PLPP3: variants seen among roughly 807,000 people sequenced by gnomAD.
PLPP3 encodes the protein PAP2 beta.
A neutral mutation model predicts 29.6 loss-of-function variants in PLPP3; 6 were observed. That is an observed-to-expected ratio of 0.20 (90% CI 0.11 to 0.40). The LOEUF (loss-of-function observed/expected upper bound fraction) is 0.40, where lower values mean the gene tolerates loss of function less well. Ranked by LOEUF, PLPP3 falls within the 10% of genes least tolerant of loss-of-function variation. The pLI, the probability that PLPP3 is intolerant of heterozygous loss-of-function variation, is 1.00. For synonymous variants in PLPP3, 152 were observed against 159.7 expected (o/e 0.95, Z 0.36); for missense variants, 308 against 407.7 (o/e 0.76, Z 2.11).
Position 56,524,773 on chromosome 1 carries a change from T to C in PLPP3, c.298-219A>G, listed in dbSNP as rs1645842298. On this transcript the variant is annotated intron_variant, in intron 2 of 5. Coordinates refer to ENST00000371250, the MANE Select transcript of PLPP3 (RefSeq NM_003713.5). This position sits in a 1 kb window ranked among gnomAD's most constrained non-coding sequence, Gnocchi z 4.3. Reference sequence around the variant, plus strand: ...AAGCCCCTTTGTAACAACAAAAATATACAACCAAATATATTTATATGTATA... The same window carrying C: ...AAGCCCCTTTGTAACAACAAAAATACACAACCAAATATATTTATATGTATA... Among the ~76,000 whole-genome samples the C allele has an allele frequency of 6.6e-6, 1 of 151,706 alleles. No homozygotes were observed. The highest frequency in any genetic ancestry group is 2.4e-5 in the African/African-American group (1 of 41,212).
chr1:56,573,535 G>C (rs1281454596), intron 1 of PLPP3, among the ~76,000 whole-genome samples: 1 of 152,160 alleles, frequency 6.6e-6, no homozygotes, highest in Non-Finnish European at 1.5e-5. Context: ...GGCCTGATAA[G>C]AATCACCGGC....
intron 1 of PLPP3, among the ~76,000 whole-genome samples, chr1:56,578,530 G>C (rs1294142210): frequency 1.3e-4 from 20 of 152,226 alleles, no homozygotes; most frequent in Admixed American, 1.3e-3. Context: ...TGGCTCTAGA[G>C]CGCGGCTCAA....
intron 1 of PLPP3, among the ~76,000 whole-genome samples, chr1:56,566,917 C>G (rs958168363): frequency 3.3e-5 from 5 of 152,192 alleles, no homozygotes; most frequent in African/African-American, 9.7e-5. Flanking sequence ...TACACATACA[C>G]AGCCATATAT....
rs997838858 is a variant in PLPP3 at position 56,508,339 on chromosome 1, C to T, written c.810+3637G>A. Reference sequence around the variant, plus strand: ...GTGTCAGGCTGTCTGGGGTCAACTCCAGCTTTGCTACCTTCTCTCTGAGTG... The same window carrying T: ...GTGTCAGGCTGTCTGGGGTCAACTCTAGCTTTGCTACCTTCTCTCTGAGTG... On this transcript the variant is annotated intron_variant, in intron 5 of 5. Transcript: ENST00000371250. Among the ~76,000 whole-genome samples, 7 of 152,308 alleles carry T rather than the reference C, an allele frequency of 4.6e-5. No homozygotes were observed. In the East Asian group the frequency reaches 1.4e-3, roughly 29 times the overall value.
At chr1:56,506,653 C>A (rs1414499110) in intron 5 of PLPP3, among the ~76,000 whole-genome samples, 1 of 152,194 alleles carries the variant, frequency 6.6e-6, no homozygotes, top group Non-Finnish European at 1.5e-5. Flanking sequence ...ACCAGATATG[C>A]AAGTTGTCAC....
intron 4 of PLPP3, chr1:56,517,089 G>C (rs189712076): frequency 1.3e-5 from 2 of 152,196 alleles, no homozygotes; most frequent in Admixed American, 1.3e-4. Flanking sequence ...TTGCATACTG[G>C]TGGAACAGGT....
At chr1:56,566,576 C>T (rs753997869) in intron 1 of PLPP3, among the ~76,000 whole-genome samples, 1 of 152,108 alleles carries the variant, frequency 6.6e-6, no homozygotes, top group Non-Finnish European at 1.5e-5. Context: ...ATTCCAGCCC[C>T]GATACATATC....
chr1:56,568,744 C>T (rs938743012), intron 1 of PLPP3, among the ~76,000 whole-genome samples: 4 of 152,152 alleles, frequency 2.6e-5, no homozygotes, highest in Non-Finnish European at 5.9e-5. Context: ...TCTGCCTCAG[C>T]CTCCCGAGTG....
intron 5 of PLPP3, among the ~76,000 whole-genome samples, chr1:56,502,396 G>A (rs1291661522): frequency 2.0e-5 from 3 of 152,208 alleles, no homozygotes; most frequent in African/African-American, 7.2e-5. Context: ...ATTTCTTAAA[G>A]TGTTGTCCTC....
chr1:56,519,037 G>A (rs1645801281), intron 4 of PLPP3, among the ~76,000 whole-genome samples: 1 of 151,516 alleles, frequency 6.6e-6, no homozygotes, highest in Non-Finnish European at 1.5e-5. Context: ...ATTTCGGGGT[G>A]GGGTGCGGGG....
intron 4 of PLPP3, among the ~76,000 whole-genome samples, chr1:56,520,187 C>T (rs1041255785): frequency 6.6e-6 from 1 of 152,194 alleles, no homozygotes; most frequent in Admixed American, 6.5e-5. Context: ...GCAAAATAGA[C>T]ATGATCACTT....
chr1:56,513,604 C>T (rs2100234981), intron 4 of PLPP3: 2 of 152,234 alleles, frequency 1.3e-5, no homozygotes, highest in South Asian at 4.1e-4. Context: ...GTGTCTAGGA[C>T]TGAATCCTCA....
intron 1 of PLPP3, among the ~76,000 whole-genome samples, chr1:56,577,307 C>T (rs1241189235): frequency 2.6e-5 from 4 of 152,088 alleles, no homozygotes; most frequent in African/African-American, 9.7e-5. Context: ...GGAAGGTAGG[C>T]CCCCCAGTGA....
At chr1:56,554,817 A>G (rs1408946220) in intron 1 of PLPP3, among the ~76,000 whole-genome samples, 1 of 152,182 alleles carries the variant, frequency 6.6e-6, no homozygotes, top group African/African-American at 2.4e-5. Context: ...AAGGAAAATA[A>G]CTGGGGATTT....
rs11583161 is a variant in PLPP3 at position 56,536,941 on chromosome 1, G to A, written c.297+14C>T. 0.044 allele frequency: 70,813 copies of A among 1,613,070 alleles called. 4,546 individuals are homozygous for A. Among genetic ancestry groups the A allele is most frequent in the African/African-American group, 0.28 (21,078 of 74,820 alleles). ...GTCAGACAGGATCCACCATAGCAGAGTCTGGACACTTACCGCGAGGATGGC... is the reference window on the plus strand; with the variant it reads ...GTCAGACAGGATCCACCATAGCAGAATCTGGACACTTACCGCGAGGATGGC... On this transcript the variant is annotated intron_variant, in intron 2 of 5. Transcript: ENST00000371250.
At chr1:56,518,956 G>A (rs1645800585) in intron 4 of PLPP3, among the ~76,000 whole-genome samples, 2 of 151,968 alleles carry the variant, frequency 1.3e-5, no homozygotes, top group Admixed American at 6.6e-5. Flanking sequence ...AGTGTCAGAG[G>A]AGGGGGTTGT....
chr1:56,531,232 A>G (rs1397122176), intron 2 of PLPP3, among the ~76,000 whole-genome samples: 5 of 152,140 alleles, frequency 3.3e-5, no homozygotes, highest in Admixed American at 3.3e-4. Flanking sequence ...AGCATCTGAT[A>G]TGTTTCGTCC....
intron 2 of PLPP3, among the ~76,000 whole-genome samples, chr1:56,535,630 C>T (rs1290631103): frequency 6.6e-6 from 1 of 152,176 alleles, no homozygotes; most frequent in South Asian, 2.1e-4. Context: ...GAAATGCTGA[C>T]ATCCCTTAAG....
At chr1:56,536,226 C>T (rs72664353) in intron 2 of PLPP3, among the ~76,000 whole-genome samples, 11,479 of 152,258 alleles carry the variant, frequency 0.075, 441 homozygotes, top group Middle Eastern at 0.11. Flanking sequence ...TTGCTTTCCA[C>T]AACAAACACC....
Sources: gnomAD v4.1 joint callset for allele counts (sites outside exome capture counted in the v4.1 genomes callset) on GRCh38, gnomAD v4.1.1 for gene constraint, Gnocchi (gnomAD v3.1) non-coding constraint, MANE v1.5 for transcripts, NCBI Gene and HGNC (gene_info 2026-07-23, HGNC 2026-07-21) for gene names.